The following MTFR1 variants were observed in gnomAD, a reference collection of about 807,000 sequenced individuals.
The protein encoded by MTFR1 is mitochondrial fission regulator 1.
In MTFR1, 28 loss-of-function variants were observed where a neutral mutation model predicts 38.8. That is an observed-to-expected ratio of 0.72 (90% CI 0.53 to 0.99). The LOEUF (loss-of-function observed/expected upper bound fraction) is 0.99. MTFR1 is among the 50% of genes least tolerant of loss of function. The pLI is 0.00. For missense variants in MTFR1, 358 were observed against 395.5 expected (o/e 0.91, Z 0.81); for synonymous variants, 145 against 137.0 (o/e 1.06, Z -0.41).
intron 3 of MTFR1, among the ~76,000 whole-genome samples, chr8:65,761,022 T>A (rs149988186): frequency 0.011 from 1,652 of 152,274 alleles, 16 homozygotes; most frequent in Middle Eastern, 0.017. Flanking sequence ...ACCCTCTGGC[T>A]GTATTACACA....
In MTFR1 at chr8:65,750,436, T is replaced by C. The variant is rs377076294; in HGVS notation, c.*49-20511T>C. Reference sequence around the variant, plus strand: ...AATTAGGATTGCTGTGTGTGTGTATTAGGATCACACTGTATGTATATATGT... The same window carrying C: ...AATTAGGATTGCTGTGTGTGTGTATCAGGATCACACTGTATGTATATATGT... On this transcript the variant is annotated intron_variant, in intron 3 of 3. Coordinates refer to the MTFR1 transcript ENST00000521247. Among the ~76,000 whole-genome samples the C allele has an allele frequency of 3.8e-4, 58 of 151,298 alleles. No homozygotes were observed. The South Asian group carries it at 0.012, about 31-fold the overall frequency.
chr8:65,713,619 G>A (rs544534011), downstream of MTFR1, among the ~76,000 whole-genome samples: 33 of 152,306 alleles, frequency 2.2e-4, no homozygotes, highest in African/African-American at 7.7e-4. Context: ...TTTACCTAAA[G>A]TAGCATATTG....
chr8:65,776,807 A>T, the MTFR1 span, among the ~76,000 whole-genome samples: 1 of 152,158 alleles, frequency 6.6e-6, no homozygotes, highest in African/African-American at 2.4e-5. Flanking sequence ...CATCCATAAA[A>T]ATGATACTTT....
In MTFR1 at chr8:65,645,523, C is replaced by G. The variant is rs567502807; in HGVS notation, c.-81+739C>G. On this transcript the variant is annotated intron_variant, in intron 1 of 7. Transcript: ENST00000262146. ...TCAATACGTGGGCAGTCTTGCTCCC[C>G]TAATCCGGGTTATTTTGCGTTTTTG... 2.0e-5 allele frequency among the ~76,000 whole-genome samples: 3 copies of G among 152,322 alleles called. No homozygotes were observed. In the East Asian group the frequency reaches 5.8e-4, roughly 29 times the overall value.
intron 1 of MTFR1, among the ~76,000 whole-genome samples, chr8:65,664,828 T>G (rs1386926696): frequency 2.0e-5 from 3 of 152,028 alleles, no homozygotes; most frequent in Non-Finnish European, 4.4e-5. Context: ...CCTTAGGTGA[T>G]CTGCCCACCT....
chr8:65,765,297 G>A (rs993953640), intron 3 of MTFR1, among the ~76,000 whole-genome samples: 4 of 151,100 alleles, frequency 2.6e-5, no homozygotes, highest in South Asian at 2.1e-4. Flanking sequence ...AGACCATCCC[G>A]GCTAAAACGG....
chr8:65,687,252 A>G (rs990217426), intron 3 of MTFR1, among the ~76,000 whole-genome samples: 1 of 152,252 alleles, frequency 6.6e-6, no homozygotes, highest in African/African-American at 2.4e-5. Context: ...TGTTTTCACC[A>G]GAAAAAATTG....
At chr8:65,751,557 A>G (rs7845030) in intron 3 of MTFR1, among the ~76,000 whole-genome samples, 35,799 of 151,750 alleles carry the variant, frequency 0.24, 6,022 homozygotes, top group African/African-American at 0.48. Flanking sequence ...CAATGGTGCG[A>G]TATCGGCTCA....
chr8:65,755,268 G>A (rs879789770), intron 3 of MTFR1, among the ~76,000 whole-genome samples: 11 of 152,132 alleles, frequency 7.2e-5, no homozygotes, highest in East Asian at 3.9e-4. Flanking sequence ...GGATCCACCC[G>A]CCTCAGCCTC....
chr8:65,757,423 CA>C (rs1249962575), intron 3 of MTFR1, among the ~76,000 whole-genome samples: 1 of 152,104 alleles, frequency 6.6e-6, no homozygotes, highest in Non-Finnish European at 1.5e-5. Flanking sequence ...ATAACTAGTC[CA>C]GTCCATCATA....
intron 4 of MTFR1, among the ~76,000 whole-genome samples, chr8:65,698,744 T>C (rs1189568395): frequency 6.6e-6 from 1 of 151,800 alleles, no homozygotes; most frequent in Non-Finnish European, 1.5e-5. Context: ...TTTTTTTTTT[T>C]TGAGACAGAG....
intron 2 of MTFR1, chr8:65,719,368 T>C (rs200857308): frequency 5.6e-6 from 9 of 1,613,876 alleles, no homozygotes; most frequent in Middle Eastern, 1.6e-4. Flanking sequence ...TGCTCGACTG[T>C]TCTCTCTGCA....
chr8:65,752,328 T>C (rs1334003957), intron 3 of MTFR1, among the ~76,000 whole-genome samples: 1 of 152,240 alleles, frequency 6.6e-6, no homozygotes, highest in African/African-American at 2.4e-5. Flanking sequence ...GTTCATACTC[T>C]AGTAGTATCC....
chr8:65,662,558 C>T lies in MTFR1; in HGVS notation c.-80-7315C>T, dbSNP rs1051409920. The stretch of plus-strand genomic sequence containing the variant: ...TGAGGAGCGTCTCTGCCTGGCCGCC[C>T]ATCGTCTGGGATGTGAGGAGCCTCT... On this transcript the variant is annotated intron_variant, in intron 1 of 7. Coordinates refer to ENST00000262146, the MANE Select transcript of MTFR1 (RefSeq NM_014637.4). Among the ~76,000 whole-genome samples, 4 of 144,080 alleles carry T rather than the reference C, an allele frequency of 2.8e-5. 1 individual carries two copies. The highest frequency in any genetic ancestry group is 1.0e-4 in the African/African-American group (4 of 39,568). 94.5% of individuals were successfully genotyped at this position (144,080 alleles called of 152,430 possible).
chr8:65,720,792 A>C (rs1453352895), intron 3 of MTFR1, among the ~76,000 whole-genome samples: 1 of 152,220 alleles, frequency 6.6e-6, no homozygotes, highest in Non-Finnish European at 1.5e-5. Context: ...CATTATAGTC[A>C]AAGCACACAG....
intron 3 of MTFR1, among the ~76,000 whole-genome samples, chr8:65,762,282 A>G (rs1808535763): frequency 6.6e-6 from 1 of 152,220 alleles, no homozygotes; most frequent in South Asian, 2.1e-4. Context: ...TATTGTTAAC[A>G]TCGGGTAATT....
intron 2 of MTFR1, among the ~76,000 whole-genome samples, chr8:65,680,937 G>A (rs1451524946): frequency 2.5e-5 from 3 of 121,798 alleles, no homozygotes; most frequent in East Asian, 2.6e-4. Context: ...ACGGAGTCTC[G>A]CTCTGTCGCC....
chr8:65,715,536 C>T (rs952654254), downstream of MTFR1, among the ~76,000 whole-genome samples: 17 of 151,812 alleles, frequency 1.1e-4, no homozygotes, highest in African/African-American at 3.9e-4. Flanking sequence ...CGCCACCACG[C>T]CCAGCTAATT....
intron 1 of MTFR1, among the ~76,000 whole-genome samples, chr8:65,659,803 T>C (rs2129048764): frequency 6.6e-6 from 1 of 152,328 alleles, no homozygotes; most frequent in South Asian, 2.1e-4. Flanking sequence ...GTGTCTTTTA[T>C]TTTTTTCTGT....
Sources: allele counts gnomAD v4.1 joint callset (sites outside exome capture counted in the v4.1 genomes callset), GRCh38; gene constraint gnomAD v4.1.1; transcripts MANE v1.5; gene names NCBI Gene and HGNC (gene_info 2026-07-23, HGNC 2026-07-21).